The following POLI variants were observed in gnomAD, a reference collection of about 807,000 sequenced individuals.
POLI encodes the protein RAD30 homolog B.
POLI carries 58 observed loss-of-function variants against 51.6 expected under a neutral mutation model. That is an observed-to-expected ratio of 1.12 (90% CI 0.91 to 1.40). The LOEUF (loss-of-function observed/expected upper bound fraction) is 1.40. Ranked by LOEUF, POLI falls within the 40% of genes most tolerant of loss-of-function variation. POLI has a pLI of 0.00. For missense variants in POLI, 921 were observed against 871.3 expected (o/e 1.06, Z -0.72); for synonymous variants, 322 against 299.7 (o/e 1.07, Z -0.77).
In POLI at chr18:54,294,567, T is replaced by A. The variant is rs529413311; in HGVS notation, c.*100T>A. The A allele has an allele frequency of 2.4e-4, 337 of 1,400,294 alleles. 1 individual carries two copies. The highest frequency in any genetic ancestry group is 2.9e-4 in the Non-Finnish European group (313 of 1,081,804). 86.7% of individuals were successfully genotyped at this position (1,400,294 alleles called of 1,614,324 possible). A position where few individuals can be genotyped will look rare whatever the true frequency, so the allele number is the denominator to read the frequency against. On this transcript the variant is annotated 3_prime_UTR_variant, in exon 10 of 10. Transcript: ENST00000579534. The stretch of plus-strand genomic sequence containing the variant: ...ATATTAAACACTAATAGATATTCAA[T>A]AACGGAGTAAACTGTTCCAGATAAA...
At chr18:54,269,695 T>A in intron 1 of POLI, 34 bp downstream of exon 1, 1 of 1,467,654 alleles carries the variant, frequency 6.8e-7, no homozygotes, top group Non-Finnish European at 8.9e-7. Context: ...GCGGCCTCCT[T>A]GGGTGTAAAT....
At chr18:54,274,458 A>T (rs2087148580) in intron 3 of POLI, among the ~76,000 whole-genome samples, 1 of 152,030 alleles carries the variant, frequency 6.6e-6, no homozygotes, top group African/African-American at 2.4e-5. Context: ...CTAATGCACT[A>T]ATGATAATTG....
At chr18:54,270,962 A>G (rs3730682) in intron 1 of POLI, 28,223 of 154,586 alleles carry the variant, frequency 0.18, 2,781 homozygotes, top group Middle Eastern at 0.25. Flanking sequence ...TTTGTTTTAA[A>G]TGTAAGGGCA....
At chr18:54,303,409 C>T (rs2088526128) in intron 3 of POLI, among the ~76,000 whole-genome samples, 1 of 152,140 alleles carries the variant, frequency 6.6e-6, no homozygotes, top group South Asian at 2.1e-4. Flanking sequence ...TTACTATTTT[C>T]AACAAAGTCA....
chr18:54,298,059 C>T lies in POLI; in HGVS notation c.*3592C>T. The T allele has an allele frequency of 1.0e-6, 1 of 969,454 alleles. No individual in the cohort carries two copies. The highest frequency in any genetic ancestry group is 1.2e-6 in the Non-Finnish European group (1 of 815,508). 60.1% of individuals were successfully genotyped at this position (969,454 alleles called of 1,614,324 possible). On this transcript the variant is annotated 3_prime_UTR_variant, in exon 10 of 10. Coordinates refer to ENST00000579534, the MANE Select transcript of POLI (RefSeq NM_007195.3). ...TATAGATTTATCATGGATTTAGGTTCATTATGAATCTGCAGATTTGTGTCT... is the reference window on the plus strand; with the variant it reads ...TATAGATTTATCATGGATTTAGGTTTATTATGAATCTGCAGATTTGTGTCT...
At position 54,289,998 on chromosome 18, in the gene POLI, A is replaced by C. The variant is rs189900083; in HGVS notation, c.1199-1835A>C. ...CAGATGGGACCTAATTAAACTAAAG[A>C]GCTTCTGCACAGCAAAAGAAACTAT... On this transcript the variant is annotated intron_variant, in intron 8 of 9. Coordinates refer to ENST00000579534, the MANE Select transcript of POLI (RefSeq NM_007195.3). Among the ~76,000 whole-genome samples, 107 of 152,346 alleles carry C rather than the reference A, an allele frequency of 7.0e-4. 1 individual carries two copies. The East Asian group carries it at 0.02, about 28-fold the overall frequency.
At chr18:54,298,503 T>G (rs2088432366), downstream of POLI, among the ~76,000 whole-genome samples, 1 of 152,136 alleles carries the variant, frequency 6.6e-6, no homozygotes, top group African/African-American at 2.4e-5. Flanking sequence ...TGAAGGCACT[T>G]CTGTTGTTTA....
intron 5 of POLI, among the ~76,000 whole-genome samples, chr18:54,282,325 C>A (rs749646472): frequency 6.6e-6 from 1 of 152,044 alleles, no homozygotes; most frequent in Non-Finnish European, 1.5e-5. Context: ...GTGAGGACTT[C>A]AAAGAGGTGC....
At chr18:54,317,544 T>G (rs1262189357) in intron 3 of POLI, among the ~76,000 whole-genome samples, 1 of 152,182 alleles carries the variant, frequency 6.6e-6, no homozygotes, top group Non-Finnish European at 1.5e-5. Context: ...AAGTGGTGGA[T>G]AAATTTTAAA....
Position 54,294,707 on chromosome 18 carries a change from AAAG to A in POLI, c.*243_*245del. 4 of 1,098,018 alleles carry A rather than the reference AAAG, an allele frequency of 3.6e-6. No homozygotes were observed. The highest frequency in any genetic ancestry group is 9.6e-5 in the East Asian group (2 of 20,744). The allele number at this position is 1,098,018 out of a possible 1,614,324, so 68.0% of individuals were successfully genotyped here. A position where few individuals can be genotyped will look rare whatever the true frequency, so the allele number is the denominator to read the frequency against. On this transcript the variant is annotated 3_prime_UTR_variant, in exon 10 of 10. Transcript: ENST00000579534. ...GCCATTTTATATTACTTTTCAATAA[AAAG>A]AATATCATGGTCAACATAGAATATT...
In POLI at chr18:54,287,412, G is replaced by A; in HGVS notation, c.1198+1G>A. 3.7e-6 allele frequency: 6 copies of A among 1,606,384 alleles called. No individual in the cohort carries two copies. The highest frequency in any genetic ancestry group is 1.3e-5 in the African/African-American group (1 of 74,858). On this transcript the variant is annotated splice_donor_variant, in intron 8 of 9. Coordinates refer to ENST00000579534, the MANE Select transcript of POLI (RefSeq NM_007195.3). LOFTEE classifies it high-confidence loss of function. ...CATGTAATTCAGAAATTAGGGACAGGTATGGACTAGTTTTCCAACAGTTTC... is the reference window on the plus strand; with the variant it reads ...CATGTAATTCAGAAATTAGGGACAGATATGGACTAGTTTTCCAACAGTTTC...
chr18:54,300,086 A>G (rs749882176), downstream of POLI, among the ~76,000 whole-genome samples: 1 of 152,108 alleles, frequency 6.6e-6, no homozygotes, highest in Non-Finnish European at 1.5e-5. Context: ...AATTAGAGGA[A>G]GTCCAACAGG....
downstream of POLI, among the ~76,000 whole-genome samples, chr18:54,298,713 C>T (rs564451383): frequency 1.1e-4 from 16 of 150,714 alleles, no homozygotes; most frequent in African/African-American, 3.9e-4. Flanking sequence ...GCCTCAGCCT[C>T]GAGTAGCTGG....
chr18:54,296,421 G>C lies in POLI; in HGVS notation c.*1954G>C, dbSNP rs966984470. 24 of 943,126 alleles carry C rather than the reference G, an allele frequency of 2.5e-5. No homozygotes were observed. Among genetic ancestry groups the C allele is most frequent in the Non-Finnish European group, 3.0e-5 (24 of 791,518 alleles). 58.4% of individuals were successfully genotyped at this position (943,126 alleles called of 1,614,324 possible). ...CTTTTTTATGGGATCTTTTTTCTCT[G>C]TTTTTAAGATTATCTCTTTTTTCTT... On this transcript the variant is annotated 3_prime_UTR_variant, in exon 10 of 10. Transcript: ENST00000579534.
intron 3 of POLI, among the ~76,000 whole-genome samples, chr18:54,316,859 C>G (rs1454009595): frequency 1.3e-5 from 2 of 152,152 alleles, no homozygotes; most frequent in African/African-American, 4.8e-5. Flanking sequence ...ACCTTGTGCA[C>G]TTAACTGCAT....
At chr18:54,291,056 A>G (rs1051974208) in intron 8 of POLI, among the ~76,000 whole-genome samples, 8 of 152,080 alleles carry the variant, frequency 5.3e-5, no homozygotes, top group Non-Finnish European at 1.0e-4. Context: ...CATGATGTGC[A>G]TGTAGCCCTT....
At position 54,293,667 on chromosome 18, in the gene POLI, A is replaced by G; in HGVS notation, c.1423A>G (p.Met475Val). The G allele has an allele frequency of 5.1e-6, 8 of 1,576,700 alleles. No individual in the cohort carries two copies. The highest frequency in any genetic ancestry group is 6.9e-6 in the Non-Finnish European group (8 of 1,164,436). ...KHSFKMKDTH[M>V]EDFPKDKETN... ...GTTCTAGAAAATGAAAGACACTCAT[A>G]TGGAAGATTTTCCCAAAGACAAAGA... Residue 475 changes from methionine to valine, a missense_variant, in exon 10 of 10, where the codon ATG (methionine) becomes GTG (valine). Transcript: ENST00000579534.
downstream of POLI, among the ~76,000 whole-genome samples, chr18:54,301,257 C>G (rs144499203): frequency 4.6e-4 from 70 of 151,522 alleles, 1 homozygote; most frequent in African/African-American, 1.6e-3. Context: ...CCAGCCCAGG[C>G]AACAGTGTGA....
chr18:54,284,353 C>T (rs1382308361), intron 7 of POLI, among the ~76,000 whole-genome samples: 1 of 152,158 alleles, frequency 6.6e-6, no homozygotes, highest in East Asian at 1.9e-4. Context: ...TTTAATTTTT[C>T]CCTGTGGCAA....
Sources: gnomAD v4.1 joint callset for allele counts (sites outside exome capture counted in the v4.1 genomes callset) on GRCh38, gnomAD v4.1.1 for gene constraint, MANE v1.5 for transcripts, NCBI Gene and HGNC (gene_info 2026-07-23, HGNC 2026-07-21) for gene names.